THSD4: variants seen among roughly 807,000 people sequenced by gnomAD.
The protein encoded by THSD4 is thrombospondin type-1 domain-containing protein 4.
THSD4 carries 69 observed loss-of-function variants against 119.0 expected under a neutral mutation model. That is an observed-to-expected ratio of 0.58 (90% CI 0.48 to 0.71). THSD4 has a LOEUF of 0.71. Ranked by LOEUF, THSD4 falls within the 30% of genes least tolerant of loss-of-function variation. The pLI is 0.00. For missense variants in THSD4, 1,393 were observed against 1,391.1 expected (o/e 1.00, Z -0.02); for synonymous variants, 524 against 540.4 (o/e 0.97, Z 0.42).
chr15:71,414,967 C>T (rs1204736857), intron 7 of THSD4, among the ~76,000 whole-genome samples: 3 of 152,222 alleles, frequency 2.0e-5, no homozygotes, highest in Non-Finnish European at 4.4e-5. Context: ...GGCTGAACTT[C>T]TGTTTACTTT....
chr15:71,532,795 G>A (rs2048634999), intron 7 of THSD4, among the ~76,000 whole-genome samples: 2 of 152,140 alleles, frequency 1.3e-5, no homozygotes, highest in African/African-American at 4.8e-5. Context: ...ATTCGAAGCA[G>A]AAAATTATAT....
At chr15:71,456,258 C>T (rs1263334394) in intron 7 of THSD4, among the ~76,000 whole-genome samples, 1 of 152,158 alleles carries the variant, frequency 6.6e-6, no homozygotes, top group Non-Finnish European at 1.5e-5. Context: ...CTGTGTACTC[C>T]CTTCACCTCA....
intron 8 of THSD4, among the ~76,000 whole-genome samples, chr15:71,681,865 G>C (rs1461394296): frequency 6.6e-6 from 1 of 152,024 alleles, no homozygotes; most frequent in South Asian, 2.1e-4. Context: ...TTCAGACCTA[G>C]GCAAGTATGA....
At chr15:71,762,712 G>A (rs73432449) in intron 15 of THSD4, among the ~76,000 whole-genome samples, 2,775 of 152,262 alleles carry the variant, frequency 0.018, 80 homozygotes, top group African/African-American at 0.063. Context: ...GACAAGACAC[G>A]AATACACTCC....
intron 6 of THSD4, among the ~76,000 whole-genome samples, chr15:71,408,979 G>A (rs1367526491): frequency 6.6e-6 from 1 of 152,162 alleles, no homozygotes; most frequent in Non-Finnish European, 1.5e-5. Context: ...GTTTTGTTAA[G>A]AAGTCCCTTG....
intron 8 of THSD4, among the ~76,000 whole-genome samples, chr15:71,698,453 C>G (rs2052211640): frequency 6.6e-6 from 1 of 151,584 alleles, no homozygotes; most frequent in Non-Finnish European, 1.5e-5. Flanking sequence ...ATAAAACTAC[C>G]ATCTGATCCA....
chr15:71,539,167 T>G (rs2048725335), intron 7 of THSD4, among the ~76,000 whole-genome samples: 1 of 152,382 alleles, frequency 6.6e-6, no homozygotes, highest in African/African-American at 2.4e-5. Flanking sequence ...CAGAGAACTC[T>G]TCTTTGCTTT....
intron 11 of THSD4, among the ~76,000 whole-genome samples, chr15:71,741,089 A>C (rs958054823): frequency 3.3e-5 from 5 of 152,224 alleles, no homozygotes; most frequent in Non-Finnish European, 7.3e-5. Context: ...TAGAAAAGAC[A>C]TAAGGGTAGA....
chr15:71,693,522 C>T (rs866825754), intron 8 of THSD4, among the ~76,000 whole-genome samples: 8 of 152,212 alleles, frequency 5.3e-5, no homozygotes, highest in South Asian at 4.2e-4. Context: ...TAGTGCACAC[C>T]GGTAGTCCCA....
At chr15:71,231,754 C>T (rs1238679055) in intron 4 of THSD4, among the ~76,000 whole-genome samples, 2 of 152,108 alleles carry the variant, frequency 1.3e-5, no homozygotes, top group Non-Finnish European at 2.9e-5. Flanking sequence ...CAGTAGGCGA[C>T]CAGGGAAGCT....
At chr15:71,700,451 A>G (rs2052262435) in intron 8 of THSD4, among the ~76,000 whole-genome samples, 1 of 152,150 alleles carries the variant, frequency 6.6e-6, no homozygotes, top group Admixed American at 6.5e-5. Context: ...TGACAAAACA[A>G]CATATTTCAG....
chr15:71,673,462 TG>T (rs2051574914), intron 8 of THSD4, among the ~76,000 whole-genome samples: 1 of 152,256 alleles, frequency 6.6e-6, no homozygotes, highest in African/African-American at 2.4e-5. Flanking sequence ...TTGATTTTTT[TG>T]AAGGGTTTTT....
At chr15:71,159,502 CCTTA>C (rs2043229960) in intron 3 of THSD4, among the ~76,000 whole-genome samples, 1 of 152,018 alleles carries the variant, frequency 6.6e-6, no homozygotes, top group African/African-American at 2.4e-5. Context: ...TCTTTCACCT[CCTTA>C]CTTAAGTTTA....
chr15:71,229,725 C>A (rs2044045757), intron 4 of THSD4, among the ~76,000 whole-genome samples: 1 of 152,182 alleles, frequency 6.6e-6, no homozygotes, highest in Non-Finnish European at 1.5e-5. Context: ...GAGTAGAGAT[C>A]TCTCCTGGCT....
At chr15:71,461,397 T>C (rs559809813) in intron 7 of THSD4, among the ~76,000 whole-genome samples, 31 of 152,278 alleles carry the variant, frequency 2.0e-4, no homozygotes, top group Non-Finnish European at 3.5e-4. Context: ...TGCAATCTTA[T>C]TGGTTACAAG....
chr15:71,264,381 A>T (rs1001983844), intron 6 of THSD4, among the ~76,000 whole-genome samples: 1 of 152,180 alleles, frequency 6.6e-6, no homozygotes, highest in Non-Finnish European at 1.5e-5. Flanking sequence ...TCCCCACAAG[A>T]TCCATTCTCA....
chr15:71,502,571 C>G (rs990973206), intron 7 of THSD4, among the ~76,000 whole-genome samples: 1 of 152,146 alleles, frequency 6.6e-6, no homozygotes, highest in Non-Finnish European at 1.5e-5. Context: ...TCTTATGCTT[C>G]ACAAGTTAGA....
intron 7 of THSD4, among the ~76,000 whole-genome samples, chr15:71,431,442 C>A (rs1254074935): frequency 6.6e-6 from 1 of 152,086 alleles, no homozygotes; most frequent in Non-Finnish European, 1.5e-5. Context: ...AAATGTCTTT[C>A]AGGAGAAGCA....
chr15:71,259,131 A>G (rs1460669620), intron 6 of THSD4, among the ~76,000 whole-genome samples: 1 of 151,102 alleles, frequency 6.6e-6, no homozygotes. Context: ...AACAAAAAAC[A>G]AAAAAAAAGA....
Sources: allele counts gnomAD v4.1 joint callset (sites outside exome capture counted in the v4.1 genomes callset), GRCh38; gene constraint gnomAD v4.1.1; transcripts MANE v1.5; gene names NCBI Gene and HGNC (gene_info 2026-07-23, HGNC 2026-07-21).